Variants in BCAM observed in about 807,000 individuals in gnomAD.
The protein encoded by BCAM is basal cell adhesion molecule.
Under a neutral mutation model 72.4 loss-of-function variants are expected in BCAM, and 61 were observed. The observed-to-expected ratio is 0.84, with a 90% confidence interval of 0.69 to 1.04. The LOEUF is 1.04. Among genes scored for constraint, BCAM ranks in the 50% least tolerant of loss-of-function variants. BCAM has a pLI of 0.00. For missense variants in BCAM, 909 were observed against 895.0 expected (o/e 1.02, Z -0.20); for synonymous variants, 408 against 384.2 (o/e 1.06, Z -0.73).
intron 13 of BCAM, chr19:44,819,942 G>A (rs28399662): frequency 0.037 from 46,803 of 1,256,336 alleles, 929 homozygotes; most frequent in Middle Eastern, 0.049. Flanking sequence ...ATCCCCAACT[G>A]CAGCCCCAAA....
Position 44,814,999 on chromosome 19 carries a change from T to G in BCAM, c.1078+239T>G, listed in dbSNP as rs1442934068. Reference sequence around the variant, plus strand: ...CTCATGCGATCCTCCTGCCTTGCTCTCCCAAAGTGCTGGGATTACAGGAGT... The same window carrying G: ...CTCATGCGATCCTCCTGCCTTGCTCGCCCAAAGTGCTGGGATTACAGGAGT... On this transcript the variant is annotated intron_variant, in intron 8 of 14. Transcript: ENST00000270233. This position sits in a 1 kb window ranked among gnomAD's most constrained non-coding sequence, Gnocchi z 4.6. Among the ~76,000 whole-genome samples the G allele has an allele frequency of 6.7e-6, 1 of 148,776 alleles. No individual in the cohort carries two copies. Among genetic ancestry groups the G allele is most frequent in the African/African-American group, 2.5e-5 (1 of 40,606 alleles).
chr19:44,809,258 C>A, intron 1 of BCAM, 52 bp downstream of exon 1: 1 of 1,346,688 alleles, frequency 7.4e-7, no homozygotes, highest in Non-Finnish European at 9.6e-7. Context: ...CCCTGGGGAC[C>A]CCGGGAAAGC....
At chr19:44,820,386 C>T in intron 13 of BCAM, 1 of 1,140,970 alleles carries the variant, frequency 8.8e-7, no homozygotes. Flanking sequence ...CAAGCTCCTC[C>T]TCATCTAACC....
At position 44,818,711 on chromosome 19, in the gene BCAM, A is replaced by G. The variant is rs1968534676; in HGVS notation, c.1195-30A>G. On this transcript the variant is annotated intron_variant, in intron 9 of 14. Coordinates refer to ENST00000270233, the MANE Select transcript of BCAM (RefSeq NM_005581.5). This position sits in a 1 kb window ranked among gnomAD's most constrained non-coding sequence, Gnocchi z 4.6. ...CTCCCCTCACTCCTCGCCCTCTCAC[A>G]GCGTCCTCCTCCTCCTCTGCCCTTC... The G allele has an allele frequency of 6.2e-7, 1 of 1,612,900 alleles. No individual in the cohort carries two copies. Among genetic ancestry groups the G allele is most frequent in the African/African-American group, 1.3e-5 (1 of 74,826 alleles).
rs1336344914 is a variant in BCAM at position 44,818,934 on chromosome 19, G to T, written c.1336+52G>T. 1 of 1,602,374 alleles carries T rather than the reference G, an allele frequency of 6.2e-7. No homozygotes were observed. Among genetic ancestry groups the T allele is most frequent in the Non-Finnish European group, 8.5e-7 (1 of 1,173,810 alleles). ...TTGGATGGGGACAGTGTGGGGTGTG[G>T]GACCTGGACAAACAGGACGAGTTCC... On this transcript the variant is annotated intron_variant, in intron 10 of 14. Transcript: ENST00000270233. The surrounding 1 kb of genome is among the most constrained non-coding windows in gnomAD (Gnocchi z 4.6).
In BCAM at chr19:44,819,681, G is replaced by A. The variant is rs147587404; in HGVS notation, c.1718G>A (p.Arg573His). The A allele has an allele frequency of 1.0e-4, 162 of 1,612,530 alleles. No individual in the cohort carries two copies. In the East Asian group the frequency reaches 1.8e-3, roughly 18 times the overall value. The change falls in exon 13 of 15, where the codon CGC becomes CAC. Residue 573 changes from arginine to histidine, a missense_variant. Coordinates refer to ENST00000270233, the MANE Select transcript of BCAM (RefSeq NM_005581.5). ...LVVAVFYCVR[R>H]KGGPCCRQRR... ...GTTGCTGTCTTCTACTGCGTGAGAC[G>A]CAAAGGGGGCCCCTGCTGCCGCCAG... is the stretch of plus-strand genomic sequence containing the variant.
Position 44,819,175 on chromosome 19 carries a change from A to G in BCAM, c.1456A>G (p.Ser486Gly), listed in dbSNP as rs199600463. The change falls in exon 11 of 15, where the codon AGC becomes GGC. Residue 486 changes from serine (S) to glycine (G), a missense_variant. Ser to Gly is a moderately conservative substitution (Grantham distance 56, BLOSUM62 0). Coordinates refer to ENST00000270233, the MANE Select transcript of BCAM (RefSeq NM_005581.5). The stretch of plus-strand genomic sequence containing the variant: ...CCATCCAGACCCCAAACTCAGCTGG[A>G]GCCAATTGGGGGGCAGCGTAAGGGA... ...RGHPDPKLSWSQLGGSPAEPI... is the reference protein window; with the variant it reads ...RGHPDPKLSWGQLGGSPAEPI... 4.4e-5 allele frequency: 71 copies of G among 1,613,852 alleles called. No individual in the cohort carries two copies. The highest frequency in any genetic ancestry group is 5.7e-5 in the Non-Finnish European group (67 of 1,179,960).
rs1057374445 is a variant in BCAM, at chr19:44,818,834, A to G, written c.1288A>G (p.Thr430Ala). ...CTACGTATGTGAGGCCTCCCTGCCC[A>G]CAGTCCCGGTCCTCAGCCGCACCCA... is the stretch of plus-strand genomic sequence containing the variant. ...GTYVCEASLP[T>A]VPVLSRTQNF... The change falls in exon 10 of 15, where the codon ACA (threonine) becomes GCA (alanine). Residue 430 changes from threonine (T) to alanine (A), a missense_variant. By Grantham distance (58) the Thr-to-Ala change is moderately conservative. Coordinates refer to ENST00000270233, the MANE Select transcript of BCAM (RefSeq NM_005581.5). The surrounding 1 kb of genome is among the most constrained non-coding windows in gnomAD (Gnocchi z 4.6). 9 of 1,613,902 alleles carry G rather than the reference A, an allele frequency of 5.6e-6. No individual in the cohort carries two copies. Among genetic ancestry groups the G allele is most frequent in the African/African-American group, 2.7e-5 (2 of 74,880 alleles).
chr19:44,813,305 G>A lies in BCAM; in HGVS notation c.560G>A (p.Arg187His), dbSNP rs751683701. 30 of 1,613,934 alleles carry A rather than the reference G, an allele frequency of 1.9e-5. No homozygotes were observed. The highest frequency in any genetic ancestry group is 5.3e-5 in the African/African-American group (4 of 74,932). The stretch of plus-strand genomic sequence containing the variant: ...CCGGCCCCCAAGATCACGTGGTATC[G>A]CAACGGGCAGCGCCTGGAGGTGCCC... ...GNPAPKITWY[R>H]NGQRLEVPVE... is the part of the protein sequence containing the mutation. The change falls in exon 5 of 15, where the codon CGC becomes CAC. Residue 187 changes from arginine (R) to histidine (H), a missense_variant. Coordinates refer to ENST00000270233, the MANE Select transcript of BCAM (RefSeq NM_005581.5). The surrounding 1 kb of genome is among the most constrained non-coding windows in gnomAD (Gnocchi z 4.2).
chr19:44,809,375 G>T (rs1968387623), intron 1 of BCAM, among the ~76,000 whole-genome samples, 169 bp downstream of exon 1: 1 of 152,142 alleles, frequency 6.6e-6, no homozygotes, highest in Non-Finnish European at 1.5e-5. Context: ...AGAGATCTGG[G>T]GACAGCCAGG....
intron 1 of BCAM, among the ~76,000 whole-genome samples, chr19:44,810,589 C>T (rs1968404349): frequency 6.6e-6 from 1 of 152,156 alleles, no homozygotes; most frequent in African/African-American, 2.4e-5. Flanking sequence ...GAGATGGAGA[C>T]CCAAGAGGAG....
At chr19:44,816,893 C>T (rs1433034397) in intron 8 of BCAM, among the ~76,000 whole-genome samples, 1 of 151,296 alleles carries the variant, frequency 6.6e-6, no homozygotes, top group African/African-American at 2.4e-5. Context: ...GAGCTGAGAT[C>T]GTGCCACTGA....
At chr19:44,810,061 A>G (rs1968397057) in intron 1 of BCAM, among the ~76,000 whole-genome samples, 1 of 152,204 alleles carries the variant, frequency 6.6e-6, no homozygotes, top group African/African-American at 2.4e-5. Flanking sequence ...CCCCTGGCAC[A>G]CTCATGGTCA....
In BCAM at chr19:44,813,754, G is replaced by A. The variant is rs2122555506; in HGVS notation, c.784+134G>A. On this transcript the variant is annotated intron_variant, in intron 6 of 14. Coordinates refer to ENST00000270233, the MANE Select transcript of BCAM (RefSeq NM_005581.5). The surrounding 1 kb of genome is among the most constrained non-coding windows in gnomAD (Gnocchi z 4.2). ...TCATGCTAAAAAAAAATGTGCTAGTGCTGGCCACTGACCTCTGACCTCAAT... is the reference window on the plus strand; with the variant it reads ...TCATGCTAAAAAAAAATGTGCTAGTACTGGCCACTGACCTCTGACCTCAAT... The A allele has an allele frequency of 3.1e-6, 4 of 1,276,364 alleles. No homozygotes were observed. In the South Asian group the frequency reaches 5.9e-5, roughly 19 times the overall value. The allele number at this position is 1,276,364 out of a possible 1,614,324, so 79.1% of individuals were successfully genotyped here.
Position 44,812,974 on chromosome 19 carries a change from A to T in BCAM, c.505-276A>T. On this transcript the variant is annotated intron_variant, in intron 4 of 14. Coordinates refer to ENST00000270233, the MANE Select transcript of BCAM (RefSeq NM_005581.5). The surrounding 1 kb of genome is among the most constrained non-coding windows in gnomAD (Gnocchi z 5.3). Reference sequence around the variant, plus strand: ...CAAAAAAAAAAAAAAAAAGAAGAAGAAAAGAAAAAAGAAAGGAAGGGCAGA... The same window carrying T: ...CAAAAAAAAAAAAAAAAAGAAGAAGTAAAGAAAAAAGAAAGGAAGGGCAGA... 1 of 464,422 alleles carries T rather than the reference A, an allele frequency of 2.2e-6. No homozygotes were observed. Among genetic ancestry groups the T allele is most frequent in the Non-Finnish European group, 3.8e-6 (1 of 265,020 alleles). 28.8% of individuals were successfully genotyped at this position (464,422 alleles called of 1,614,324 possible). A position where few individuals can be genotyped will look rare whatever the true frequency, so the allele number is the denominator to read the frequency against.
chr19:44,820,857 C>A, intron 14 of BCAM, 35 bp downstream of exon 14: 1 of 1,534,934 alleles, frequency 6.5e-7, no homozygotes, highest in Non-Finnish European at 8.8e-7. Context: ...GTGAGAGGGA[C>A]CTGCTGGGCA....
In BCAM at chr19:44,817,598, G is replaced by A. The variant is rs138908759; in HGVS notation, c.1079-924G>A. Among the ~76,000 whole-genome samples the A allele has an allele frequency of 4.4e-3, 669 of 151,328 alleles. 5 individuals are homozygous for A. The highest frequency in any genetic ancestry group is 0.015 in the African/African-American group (626 of 41,200). On this transcript the variant is annotated intron_variant, in intron 8 of 14. Transcript: ENST00000270233. ...CTCACTCTGTCACCCAGGCTGGAGC[G>A]CAGTGGCACAATCTCGGCTCACTGC...
Position 44,812,089 on chromosome 19 carries a change from A to G in BCAM, c.205-74A>G. 1 of 1,417,962 alleles carries G rather than the reference A, an allele frequency of 7.1e-7. No individual in the cohort carries two copies. Among genetic ancestry groups the G allele is most frequent in the South Asian group, 1.2e-5 (1 of 80,002 alleles). 87.8% of individuals were successfully genotyped at this position (1,417,962 alleles called of 1,614,324 possible). A position where few individuals can be genotyped will look rare whatever the true frequency, so the allele number is the denominator to read the frequency against. ...AGAGGCAGAGCCAGGAGCTGCAGAGAGAAAGGACCCAGAGAGAGAGAGACT... is the reference window on the plus strand; with the variant it reads ...AGAGGCAGAGCCAGGAGCTGCAGAGGGAAAGGACCCAGAGAGAGAGAGACT... On this transcript the variant is annotated intron_variant, in intron 2 of 14. Coordinates refer to ENST00000270233, the MANE Select transcript of BCAM (RefSeq NM_005581.5). The surrounding 1 kb of genome is among the most constrained non-coding windows in gnomAD (Gnocchi z 5.3).
In BCAM at chr19:44,819,661, T is replaced by C. The variant is rs1017536883; in HGVS notation, c.1698T>C (p.Ala566=). ...TGGGCCTCCTGCTCCTCGTCGTTGCTGTCTTCTACTGCGTGAGACGCAAAG... is the reference window on the plus strand; with the variant it reads ...TGGGCCTCCTGCTCCTCGTCGTTGCCGTCTTCTACTGCGTGAGACGCAAAG... The part of the protein sequence containing the change: ...VSVGLLLLVV[A]VFYCVRRKGG... The change falls in exon 13 of 15, where the codon GCT becomes GCC. Residue 566 remains alanine (A), a synonymous_variant. Coordinates refer to ENST00000270233, the MANE Select transcript of BCAM (RefSeq NM_005581.5). 6.2e-7 allele frequency: 1 copy of C among 1,613,358 alleles called. No homozygotes were observed. The highest frequency in any genetic ancestry group is 1.3e-5 in the African/African-American group (1 of 74,866).
Sources: allele counts gnomAD v4.1 joint callset (sites outside exome capture counted in the v4.1 genomes callset), GRCh38; gene constraint gnomAD v4.1.1; non-coding constraint Gnocchi (gnomAD v3.1); transcripts MANE v1.5; gene names NCBI Gene and HGNC (gene_info 2026-07-23, HGNC 2026-07-21).